The following TTC39B variants were observed in gnomAD, a reference collection of about 807,000 sequenced individuals.
The protein encoded by TTC39B is tetratricopeptide repeat domain 39B.
In TTC39B, 92 loss-of-function variants were observed where a neutral mutation model predicts 96.6. The ratio of observed to expected loss-of-function variants is 0.95; its 90% CI spans 0.80 to 1.13. The LOEUF (loss-of-function observed/expected upper bound fraction) is 1.13, where lower values mean the gene tolerates loss of function less well. TTC39B is among the 50% of genes most tolerant of loss of function. The probability of loss-of-function intolerance (pLI) is 0.00; values close to 1 mark genes in which losing one functional copy is unlikely to be tolerated. For synonymous variants in TTC39B, 367 were observed against 299.4 expected (o/e 1.23, Z -2.33); for missense variants, 955 against 809.3 (o/e 1.18, Z -2.18).
rs1482287486 is a variant in TTC39B, at chr9:15,242,593, A to T, written c.276-16581T>A. On this transcript the variant is annotated intron_variant, in intron 2 of 19. Transcript: ENST00000512701. ...GCAAGACCCTATCTCAAAAAGAAAG[A>T]AAGAAAGAAAGAAGAATTGGAAGAA... Among the ~76,000 whole-genome samples, 5 of 152,190 alleles carry T rather than the reference A, an allele frequency of 3.3e-5. No individual in the cohort carries two copies. In the South Asian group the frequency reaches 1.0e-3, roughly 32 times the overall value.
At chr9:15,169,083 T>A (rs902927191) in exon 20 of TTC39B, 2 of 152,164 alleles carry the variant, frequency 1.3e-5, no homozygotes, top group African/African-American at 4.8e-5. Flanking sequence ...CTGCTTAAAC[T>A]CACCCCTTTG....
intron 1 of TTC39B, among the ~76,000 whole-genome samples, chr9:15,272,976 T>G (rs1823410599): frequency 6.6e-6 from 1 of 152,216 alleles, no homozygotes; most frequent in South Asian, 2.1e-4. Context: ...TCATAGAAAC[T>G]GCCATCCTGA....
At chr9:15,232,986 T>C (rs1354553070) in intron 2 of TTC39B, among the ~76,000 whole-genome samples, 1 of 151,978 alleles carries the variant, frequency 6.6e-6, no homozygotes, top group Non-Finnish European at 1.5e-5. Flanking sequence ...TCTCAAACAC[T>C]GCATACACAG....
chr9:15,191,196 C>T (rs566077657), exon 10 of TTC39B: 7 of 1,606,046 alleles, frequency 4.4e-6, no homozygotes, highest in East Asian at 2.2e-5. Flanking sequence ...GTACCCTATT[C>T]CCAGAAAATC....
intron 1 of TTC39B, among the ~76,000 whole-genome samples, chr9:15,305,280 C>G (rs914351089): frequency 5.9e-5 from 9 of 152,162 alleles, no homozygotes; most frequent in Non-Finnish European, 1.3e-4. Flanking sequence ...GACTGAGAAC[C>G]ATAAAGAGGC....
chr9:15,282,978 T>C (rs1823823399), intron 1 of TTC39B, among the ~76,000 whole-genome samples: 1 of 152,218 alleles, frequency 6.6e-6, no homozygotes, highest in South Asian at 2.1e-4. Flanking sequence ...ACTGTAACTT[T>C]TCTTCACACC....
intron 1 of TTC39B, among the ~76,000 whole-genome samples, chr9:15,278,568 G>A (rs1823636368): frequency 6.6e-6 from 1 of 152,154 alleles, no homozygotes. Context: ...ATCTGGGGCT[G>A]TTTTTGCAGG....
At chr9:15,166,061 A>G (rs1389695499) in exon 20 of TTC39B, 1 of 152,220 alleles carries the variant, frequency 6.6e-6, no homozygotes, top group Non-Finnish European at 1.5e-5. Context: ...CTAAGCAGCA[A>G]TAAAACTGAA....
Position 15,211,412 on chromosome 9 carries a change from G to A in TTC39B, c.483-15C>T. On this transcript the variant is annotated splice_polypyrimidine_tract_variant and intron_variant, in intron 4 of 19. Transcript: ENST00000512701. ...TCTCCTTAGCCCTGGGAAGAACACA[G>A]GGAATTCAGACATTTTAATTCAATG... 2 of 1,465,434 alleles carry A rather than the reference G, an allele frequency of 1.4e-6. No individual in the cohort carries two copies. The highest frequency in any genetic ancestry group is 9.0e-7 in the Non-Finnish European group (1 of 1,105,812). The allele number at this position is 1,465,434 out of a possible 1,614,324, so 90.8% of individuals were successfully genotyped here.
At chr9:15,194,707 T>C (rs1819055930) in intron 8 of TTC39B, among the ~76,000 whole-genome samples, 1 of 152,224 alleles carries the variant, frequency 6.6e-6, no homozygotes, top group Non-Finnish European at 1.5e-5. Context: ...CCAAACTTTT[T>C]AGTTATTACT....
intron 1 of TTC39B, among the ~76,000 whole-genome samples, chr9:15,291,759 AT>A (rs1824197382): frequency 1.3e-5 from 2 of 152,138 alleles, no homozygotes; most frequent in African/African-American, 4.8e-5. Context: ...AAAAAAAAAA[AT>A]CAGCCTCTTC....
chr9:15,213,791 C>T (rs1012287896), intron 4 of TTC39B, among the ~76,000 whole-genome samples: 3 of 152,080 alleles, frequency 2.0e-5, no homozygotes, highest in African/African-American at 4.8e-5. Context: ...GGTTTTTCCC[C>T]TCCCCATTTC....
chr9:15,299,901 G>A (rs1043368297), intron 1 of TTC39B, among the ~76,000 whole-genome samples: 1 of 152,188 alleles, frequency 6.6e-6, no homozygotes, highest in African/African-American at 2.4e-5. Context: ...GACTTGAAGG[G>A]AAGGAAGTGG....
At chr9:15,297,737 A>T (rs1219766983) in intron 1 of TTC39B, among the ~76,000 whole-genome samples, 1 of 152,070 alleles carries the variant, frequency 6.6e-6, no homozygotes, top group African/African-American at 2.4e-5. Flanking sequence ...ACCTCCAATC[A>T]GCCTCCACGC....
intron 18 of TTC39B, among the ~76,000 whole-genome samples, 175 bp from the exon 19 acceptor site, chr9:15,175,310 C>A (rs551539255): frequency 1.3e-5 from 2 of 152,268 alleles, no homozygotes; most frequent in South Asian, 2.1e-4. Flanking sequence ...AAATAATGTT[C>A]TTTTCCTATA....
chr9:15,274,545 G>T (rs1056597967), intron 1 of TTC39B, among the ~76,000 whole-genome samples: 1 of 152,170 alleles, frequency 6.6e-6, no homozygotes, highest in African/African-American at 2.4e-5. Context: ...ATCAAAGCAA[G>T]TCCTTTGTGA....
At chr9:15,172,566 G>A (rs2800589) in intron 19 of TTC39B, among the ~76,000 whole-genome samples, 1,945 of 152,152 alleles carry the variant, frequency 0.013, 43 homozygotes, top group African/African-American at 0.044. Context: ...ACTTAATGAC[G>A]TCAAAATTAC....
At chr9:15,208,852 C>T (rs1188081230) in intron 6 of TTC39B, among the ~76,000 whole-genome samples, 1 of 152,168 alleles carries the variant, frequency 6.6e-6, no homozygotes, top group Non-Finnish European at 1.5e-5. Flanking sequence ...TTCCCAAGTT[C>T]TCCAACGTCC....
intron 8 of TTC39B, among the ~76,000 whole-genome samples, chr9:15,197,115 G>GT: frequency 6.6e-6 from 1 of 152,262 alleles, no homozygotes; most frequent in South Asian, 2.1e-4. Flanking sequence ...CAGTATCAAC[G>GT]TAACTTTTAT....
Sources: allele counts gnomAD v4.1 joint callset (sites outside exome capture counted in the v4.1 genomes callset), GRCh38; gene constraint gnomAD v4.1.1; transcripts MANE v1.5; gene names NCBI Gene and HGNC (gene_info 2026-07-23, HGNC 2026-07-21).